BBX: variants seen among roughly 807,000 people sequenced by gnomAD.
The protein encoded by BBX is HMG box transcription factor BBX.
A neutral mutation model predicts 100.2 loss-of-function variants in BBX; 30 were observed. The observed-to-expected ratio is 0.30, with a 90% CI of 0.22 to 0.41. The LOEUF (loss-of-function observed/expected upper bound fraction) is 0.41. Among genes scored for constraint, BBX ranks in the 10% least tolerant of loss-of-function variants. BBX has a pLI of 1.00. For missense variants in BBX, 1,023 were observed against 1,129.8 expected, an observed-to-expected ratio of 0.91 and a Z score of 1.35; for synonymous variants, 376 against 388.1, an observed-to-expected ratio of 0.97 and a Z score of 0.37.
chr3:107,708,397 C>T (rs933755659), intron 3 of BBX, among the ~76,000 whole-genome samples: 9 of 152,016 alleles, frequency 5.9e-5, no homozygotes, highest in African/African-American at 2.2e-4. Flanking sequence ...TAATGAAGGC[C>T]GGGCGTGGTG....
rs2071264869 is a variant in BBX, at chr3:107,811,050, C to G, written c.*5593C>G. Reference sequence around the variant, plus strand: ...TGTATGTGTAGTAAAAGTCAATATACACATTTATATAATTTCTTTCTTCAA... The same window carrying G: ...TGTATGTGTAGTAAAAGTCAATATAGACATTTATATAATTTCTTTCTTCAA... On this transcript the variant is annotated 3_prime_UTR_variant, in exon 18 of 18. Coordinates refer to ENST00000325805, the MANE Select transcript of BBX (RefSeq NM_001142568.3). 6.6e-6 allele frequency: 1 copy of G among 151,988 alleles called. No individual in the cohort carries two copies. Among genetic ancestry groups the G allele is most frequent in the Admixed American group, 6.6e-5 (1 of 15,250 alleles). The allele number at this position is 151,988 out of a possible 1,614,324, so 9.4% of individuals were successfully genotyped here.
intron 1 of BBX, chr3:107,523,379 G>C (rs896503216): frequency 6.5e-6 from 1 of 153,494 alleles, no homozygotes; most frequent in African/African-American, 2.4e-5. Flanking sequence ...GGCGAGGGTC[G>C]CGGCGGCCGC....
chr3:107,666,273 A>G (rs1210315394), intron 3 of BBX, among the ~76,000 whole-genome samples: 1 of 152,320 alleles, frequency 6.6e-6, no homozygotes, highest in East Asian at 1.9e-4. Flanking sequence ...AACAAAGGTC[A>G]GGTATAGACT....
At chr3:107,804,241 G>A (rs1280035915) in intron 17 of BBX, among the ~76,000 whole-genome samples, 2 of 152,158 alleles carry the variant, frequency 1.3e-5, no homozygotes, top group South Asian at 2.1e-4. Context: ...TGTGCATCAA[G>A]AGAAACTTGA....
At chr3:107,659,073 AAT>A (rs1473483311) in intron 3 of BBX, among the ~76,000 whole-genome samples, 1 of 152,050 alleles carries the variant, frequency 6.6e-6, no homozygotes, top group Non-Finnish European at 1.5e-5. Flanking sequence ...TGTTTAAATA[AAT>A]ATATTGTCAA....
At chr3:107,596,626 G>T (rs1308245963) in intron 2 of BBX, among the ~76,000 whole-genome samples, 1 of 152,134 alleles carries the variant, frequency 6.6e-6, no homozygotes, top group Non-Finnish European at 1.5e-5. Flanking sequence ...TGGATCTTGG[G>T]GGCATTATGT....
intron 7 of BBX, among the ~76,000 whole-genome samples, chr3:107,740,075 G>C (rs1313594567): frequency 6.6e-6 from 1 of 152,022 alleles, no homozygotes; most frequent in South Asian, 2.1e-4. Context: ...CATGTATTCT[G>C]CTTGTGGGAG....
At chr3:107,770,944 C>T (rs748248893) in intron 10 of BBX, among the ~76,000 whole-genome samples, 1 of 152,168 alleles carries the variant, frequency 6.6e-6, no homozygotes, top group Non-Finnish European at 1.5e-5. Flanking sequence ...ATGAATTTTA[C>T]AGATGGTAAT....
chr3:107,603,189 C>T (rs954805717), intron 2 of BBX, among the ~76,000 whole-genome samples: 1 of 151,922 alleles, frequency 6.6e-6, no homozygotes, highest in Non-Finnish European at 1.5e-5. Flanking sequence ...TGGTCTCGAT[C>T]TCTTGACATT....
chr3:107,644,779 A>G (rs1333703836), intron 2 of BBX, among the ~76,000 whole-genome samples: 1 of 152,182 alleles, frequency 6.6e-6, no homozygotes, highest in Non-Finnish European at 1.5e-5. Context: ...CATGAGACCA[A>G]TTAATACTTT....
intron 13 of BBX, among the ~76,000 whole-genome samples, chr3:107,782,986 A>G (rs3827764): frequency 1.3e-5 from 2 of 152,238 alleles, no homozygotes; most frequent in East Asian, 3.9e-4. Context: ...GCCCTTCTGC[A>G]TTTTACTTTC....
Position 107,804,193 on chromosome 3 carries a change from C to G in BBX, c.2739-1177C>G, listed in dbSNP as rs192497117. On this transcript the variant is annotated intron_variant, in intron 17 of 17. Coordinates refer to ENST00000325805, the MANE Select transcript of BBX (RefSeq NM_001142568.3). Reference sequence around the variant, plus strand: ...TAAGTGATCATTTGATTCTGAAACCCCCAAATGTTGCAATTTGTCTACATT... The same window carrying G: ...TAAGTGATCATTTGATTCTGAAACCGCCAAATGTTGCAATTTGTCTACATT... 2.8e-3 allele frequency among the ~76,000 whole-genome samples: 428 copies of G among 152,192 alleles called. 2 individuals are homozygous for G. The highest frequency in any genetic ancestry group is 4.7e-3 in the Non-Finnish European group (317 of 68,012).
chr3:107,747,395 T>G (rs2064710869), intron 8 of BBX, among the ~76,000 whole-genome samples: 1 of 152,160 alleles, frequency 6.6e-6, no homozygotes, highest in Admixed American at 6.5e-5. Flanking sequence ...AAATGCAGAT[T>G]ATTATCATCA....
chr3:107,631,389 G>A (rs1236100903), intron 2 of BBX, among the ~76,000 whole-genome samples: 2 of 152,208 alleles, frequency 1.3e-5, no homozygotes, highest in Admixed American at 1.3e-4. Context: ...GTGGGAGAAA[G>A]TGAAGTGTTA....
chr3:107,708,601 G>A lies in BBX; in HGVS notation c.-9-1851G>A, dbSNP rs1351134071. ...AGGCAGAAGAATTGCTTGAACCGGG[G>A]AGGCAGAGGTTGCAGTGAGCTGAGA... On this transcript the variant is annotated intron_variant, in intron 3 of 17. Coordinates refer to ENST00000325805, the MANE Select transcript of BBX (RefSeq NM_001142568.3). Among the ~76,000 whole-genome samples the A allele has an allele frequency of 2.7e-5, 4 of 149,940 alleles. No homozygotes were observed. In the Admixed American group the frequency reaches 2.7e-4, roughly 10 times the overall value.
At chr3:107,670,028 T>A (rs1452673015) in intron 3 of BBX, among the ~76,000 whole-genome samples, 1 of 152,182 alleles carries the variant, frequency 6.6e-6, no homozygotes. Context: ...TACATATTTT[T>A]ATATATATTC....
At chr3:107,600,162 C>T (rs576942228) in intron 2 of BBX, among the ~76,000 whole-genome samples, 1 of 152,260 alleles carries the variant, frequency 6.6e-6, no homozygotes, top group Non-Finnish European at 1.5e-5. Context: ...CTTTTGAACA[C>T]ACATGCATGT....
intron 2 of BBX, among the ~76,000 whole-genome samples, chr3:107,566,914 T>G (rs912025393): frequency 3.9e-5 from 6 of 152,140 alleles, no homozygotes; most frequent in African/African-American, 1.2e-4. Context: ...AAATGCCATT[T>G]GATGTACTGT....
chr3:107,594,643 G>A (rs17810499), intron 2 of BBX, among the ~76,000 whole-genome samples: 174 of 152,178 alleles, frequency 1.1e-3, no homozygotes, highest in Non-Finnish European at 2.2e-3. Context: ...CCTAGACAAG[G>A]TCTTTCCTCA....
Sources: gnomAD v4.1 joint callset for allele counts (sites outside exome capture counted in the v4.1 genomes callset) on GRCh38, gnomAD v4.1.1 for gene constraint, MANE v1.5 for transcripts, NCBI Gene and HGNC (gene_info 2026-07-23, HGNC 2026-07-21) for gene names.